The following NAALADL2 variants were observed in gnomAD, a reference collection of about 807,000 sequenced individuals.
The protein encoded by NAALADL2 is N-acetylated alpha-linked acidic dipeptidase like 2, also known as inactive N-acetylated-alpha-linked acidic dipeptidase-like protein 2.
Under a neutral mutation model 87.2 loss-of-function variants are expected in NAALADL2, and 76 were observed. The observed-to-expected ratio is 0.87, with a 90% CI of 0.72 to 1.05. NAALADL2 has a LOEUF of 1.05. Ranked by LOEUF, NAALADL2 falls within the 50% of genes least tolerant of loss-of-function variation. The pLI is 0.00. For missense variants in NAALADL2, 1,089 were observed against 945.8 expected (o/e 1.15, Z -1.99); for synonymous variants, 354 against 331.0 (o/e 1.07, Z -0.75).
At position 175,360,479 on chromosome 3, in the gene NAALADL2, A is replaced by G. The variant is rs560308037; in HGVS notation, c.1090+36154A>G. ...CCTCTTGCTTCTTTTCCTAAATCCT[A>G]TGTATTCCCCTTCATGTTGGTGTCT... is the stretch of plus-strand genomic sequence containing the variant. On this transcript the variant is annotated intron_variant, in intron 5 of 13. Transcript: ENST00000454872. Among the ~76,000 whole-genome samples the G allele has an allele frequency of 1.5e-4, 23 of 152,098 alleles. No individual in the cohort carries two copies. The East Asian group carries it at 4.1e-3, about 27-fold the overall frequency.
intron 11 of NAALADL2, among the ~76,000 whole-genome samples, chr3:175,708,263 G>A (rs762006497): frequency 1.6e-4 from 25 of 152,044 alleles, no homozygotes; most frequent in African/African-American, 4.1e-4. Context: ...TGAGCAATGA[G>A]GGCATATTAT....
intron 11 of NAALADL2, among the ~76,000 whole-genome samples, chr3:175,701,222 AC>A (rs1185865869): frequency 6.6e-6 from 1 of 152,060 alleles, no homozygotes; most frequent in African/African-American, 2.4e-5. Context: ...GAAGTGAGGC[AC>A]CCTATGTAGG....
upstream of NAALADL2, among the ~76,000 whole-genome samples, chr3:174,855,245 G>C (rs1430205299): frequency 1.3e-5 from 2 of 152,100 alleles, no homozygotes; most frequent in Non-Finnish European, 2.9e-5. Context: ...CAGCTATGAT[G>C]TTATGACAGC....
At chr3:174,557,188 C>G (rs1712937557) in intron 2 of NAALADL2, among the ~76,000 whole-genome samples, 1 of 151,890 alleles carries the variant, frequency 6.6e-6, no homozygotes. Context: ...CTGTTTCGGC[C>G]TTTTTACTCT....
chr3:174,668,208 CT>C (rs1325561230), intron 2 of NAALADL2, among the ~76,000 whole-genome samples: 1 of 151,928 alleles, frequency 6.6e-6, no homozygotes, highest in Non-Finnish European at 1.5e-5. Flanking sequence ...AATTGGGCTA[CT>C]TTTTGTAGTT....
At chr3:174,577,306 T>C (rs1715643082) in intron 2 of NAALADL2, among the ~76,000 whole-genome samples, 1 of 152,170 alleles carries the variant, frequency 6.6e-6, no homozygotes, top group South Asian at 2.1e-4. Flanking sequence ...TAAAATGTTA[T>C]AAACAAATGT....
intron 2 of NAALADL2, among the ~76,000 whole-genome samples, chr3:175,165,708 A>G (rs1733897301): frequency 6.6e-6 from 1 of 152,122 alleles, no homozygotes; most frequent in Non-Finnish European, 1.5e-5. Context: ...AATGTTTATC[A>G]TGGAAGGCCC....
At chr3:175,230,373 AC>A (rs1744763771) in intron 2 of NAALADL2, among the ~76,000 whole-genome samples, 1 of 152,120 alleles carries the variant, frequency 6.6e-6, no homozygotes, top group South Asian at 2.1e-4. Flanking sequence ...AAAAGAGAAG[AC>A]AAAAACTAGG....
chr3:175,187,313 G>GT (rs1240436402), intron 2 of NAALADL2, among the ~76,000 whole-genome samples: 3 of 152,324 alleles, frequency 2.0e-5, no homozygotes, highest in African/African-American at 7.2e-5. Flanking sequence ...AGGAAGTGCT[G>GT]TAACAGAAGC....
intron 2 of NAALADL2, among the ~76,000 whole-genome samples, chr3:174,680,534 A>C (rs1466896124): frequency 6.6e-6 from 1 of 152,192 alleles, no homozygotes; most frequent in Non-Finnish European, 1.5e-5. Context: ...AAAAATTCCA[A>C]AAGGAACTCT....
intron 13 of NAALADL2, among the ~76,000 whole-genome samples, chr3:175,777,438 TG>T (rs1315461856): frequency 6.6e-6 from 1 of 152,074 alleles, no homozygotes; most frequent in Non-Finnish European, 1.5e-5. Flanking sequence ...GCAAAATGCT[TG>T]GAATATGGGG....
In NAALADL2 at chr3:175,737,370, T is replaced by C; in HGVS notation, c.1961T>C (p.Ile654Thr). Residue 654 changes from isoleucine (I) to threonine (T), a missense_variant, in exon 12 of 14, where the codon ATA becomes ACA. By Grantham distance (89) the Ile-to-Thr change is moderately conservative (BLOSUM62 -1). Transcript: ENST00000454872. ...EPVLPFNALD[I>T]ALEVQNNLKG... is the part of the protein sequence containing the mutation. ...GTTCTGCCCTTTAATGCACTTGATA[T>C]AGCTTTAGAAGTTCAAAACAACCTT... 6.2e-7 allele frequency: 1 copy of C among 1,608,990 alleles called. No homozygotes were observed. The highest frequency in any genetic ancestry group is 8.5e-7 in the Non-Finnish European group (1 of 1,175,622).
At chr3:174,768,543 T>A (rs1257257054) in intron 3 of NAALADL2, among the ~76,000 whole-genome samples, 2 of 152,186 alleles carry the variant, frequency 1.3e-5, no homozygotes, top group African/African-American at 4.8e-5. Flanking sequence ...TGCTAAGTTG[T>A]TGCAATTACA....
intron 1 of NAALADL2, among the ~76,000 whole-genome samples, chr3:174,516,300 C>T (rs1167116776): frequency 6.6e-6 from 1 of 152,030 alleles, no homozygotes; most frequent in East Asian, 1.9e-4. Flanking sequence ...ATCAGTTATG[C>T]ATCTCCTCAT....
intron 1 of NAALADL2, among the ~76,000 whole-genome samples, chr3:175,015,304 A>G (rs1164281017): frequency 3.3e-5 from 5 of 152,080 alleles, no homozygotes; most frequent in Non-Finnish European, 7.4e-5. Context: ...ATGTATATGT[A>G]TATGTGTGCA....
chr3:174,591,399 G>A (rs1717345220), intron 2 of NAALADL2, among the ~76,000 whole-genome samples: 1 of 152,196 alleles, frequency 6.6e-6, no homozygotes, highest in South Asian at 2.1e-4. Flanking sequence ...ACAGTAATGT[G>A]TTAGTATGAG....
In NAALADL2 at chr3:175,667,219, G is replaced by T. The variant is rs868051166; in HGVS notation, c.1896+39833G>T. ...AGAAAGAAAGAAAGAAAGAAAGAAA[G>T]AAAGAAAGAAAGAAAGAAAGAAAAA... On this transcript the variant is annotated intron_variant, in intron 11 of 13. Coordinates refer to ENST00000454872, the MANE Select transcript of NAALADL2 (RefSeq NM_207015.3). Among the ~76,000 whole-genome samples the T allele has an allele frequency of 1.5e-3, 193 of 125,010 alleles. 1 individual carries two copies. The highest frequency in any genetic ancestry group is 7.7e-3 in the African/African-American group (178 of 23,240). 82.0% of individuals were successfully genotyped at this position (125,010 alleles called of 152,430 possible).
chr3:175,238,383 CA>C (rs1477528607), intron 3 of NAALADL2, among the ~76,000 whole-genome samples: 9 of 152,018 alleles, frequency 5.9e-5, no homozygotes, highest in Non-Finnish European at 1.3e-4. Flanking sequence ...TAGGGCTAAA[CA>C]AAAGGGATTG....
chr3:175,574,942 C>G (rs6777447), intron 9 of NAALADL2, among the ~76,000 whole-genome samples: 41,968 of 152,026 alleles, frequency 0.28, 8,307 homozygotes, highest in African/African-American at 0.56. Context: ...CGGGAGATTG[C>G]TATTCTTCCA....
Sources: allele counts gnomAD v4.1 joint callset (sites outside exome capture counted in the v4.1 genomes callset), GRCh38; gene constraint gnomAD v4.1.1; transcripts MANE v1.5; gene names NCBI Gene and HGNC (gene_info 2026-07-23, HGNC 2026-07-21).